The following WHRN variants were observed in gnomAD, a reference collection of about 807,000 sequenced individuals.
The protein encoded by WHRN is CASK-interacting protein CIP98.
In WHRN, 41 loss-of-function variants were observed where a neutral mutation model predicts 68.3. That is an observed-to-expected ratio of 0.60 (90% CI 0.47 to 0.78). The LOEUF is 0.78. WHRN is among the 30% of genes least tolerant of loss of function. The probability of loss-of-function intolerance (pLI) is 0.00; values close to 1 mark genes in which losing one functional copy is unlikely to be tolerated. For synonymous variants in WHRN, 560 were observed against 561.3 expected (o/e 1.00, Z 0.03); for missense variants, 1,243 against 1,244.7 (o/e 1.00, Z 0.02).
intron 4 of WHRN, 75 bp from the exon 5 acceptor site, chr9:114,425,099 T>C (rs769776013): frequency 2.0e-6 from 3 of 1,476,506 alleles, no homozygotes; most frequent in Non-Finnish European, 1.9e-6. Context: ...ACAGGGTGAC[T>C]TGGGGCAGGA....
At chr9:114,451,197 T>C (rs1379473803) in intron 3 of WHRN, among the ~76,000 whole-genome samples, 1 of 152,184 alleles carries the variant, frequency 6.6e-6, no homozygotes, top group Non-Finnish European at 1.5e-5. Context: ...AAATAGAAAG[T>C]CCTTTGCCAG....
At chr9:114,452,318 C>G (rs1439493548) in intron 3 of WHRN, among the ~76,000 whole-genome samples, 2 of 152,276 alleles carry the variant, frequency 1.3e-5, no homozygotes, top group East Asian at 3.9e-4. Context: ...AACATGCTGA[C>G]GGCAGAGAAC....
At chr9:114,469,315 C>A (rs755306470) in intron 2 of WHRN, among the ~76,000 whole-genome samples, 1 of 152,166 alleles carries the variant, frequency 6.6e-6, no homozygotes, top group African/African-American at 2.4e-5. Context: ...TACAGGCTTT[C>A]GAGCCTGGAG....
At chr9:114,463,363 T>C (rs1250218962) in intron 3 of WHRN, among the ~76,000 whole-genome samples, 1 of 152,172 alleles carries the variant, frequency 6.6e-6, no homozygotes, top group African/African-American at 2.4e-5. Flanking sequence ...TTCTCCCCAG[T>C]CTCCTCCACC....
intron 3 of WHRN, among the ~76,000 whole-genome samples, chr9:114,453,493 C>A (rs1169090384): frequency 1.3e-5 from 2 of 152,134 alleles, no homozygotes; most frequent in East Asian, 1.9e-4. Flanking sequence ...AAGTGTATTT[C>A]ATTCTGTGAT....
In WHRN at chr9:114,402,667, C is replaced by T; in HGVS notation, c.*87G>A. The T allele has an allele frequency of 6.4e-7, 1 of 1,554,536 alleles. No individual in the cohort carries two copies. On this transcript the variant is annotated 3_prime_UTR_variant, in exon 12 of 12. Coordinates refer to ENST00000362057, the MANE Select transcript of WHRN (RefSeq NM_015404.4). ...TGCCACCCTGGCCATGCAGCCCCAA[C>T]CCCGCAAGGAGCTTGATGAAGCCAA...
At chr9:114,414,524 T>C (rs1835674440) in intron 7 of WHRN, among the ~76,000 whole-genome samples, 1 of 152,228 alleles carries the variant, frequency 6.6e-6, no homozygotes, top group Non-Finnish European at 1.5e-5. Context: ...TCCCCTTTGA[T>C]AGCTTGGGAA....
intron 3 of WHRN, among the ~76,000 whole-genome samples, chr9:114,451,360 G>A (rs762787807): frequency 6.6e-6 from 1 of 152,084 alleles, no homozygotes; most frequent in Non-Finnish European, 1.5e-5. Context: ...ATTGAGTCTC[G>A]GGTTCTTTAT....
intron 3 of WHRN, among the ~76,000 whole-genome samples, chr9:114,438,859 T>C (rs1451846382): frequency 6.6e-6 from 1 of 152,194 alleles, no homozygotes; most frequent in Non-Finnish European, 1.5e-5. Context: ...TGTAAAACAC[T>C]GAAAATAACC....
intron 2 of WHRN, among the ~76,000 whole-genome samples, chr9:114,467,489 CGGGA>C (rs975962773): frequency 4.7e-5 from 7 of 150,012 alleles, no homozygotes; most frequent in Middle Eastern, 3.2e-3. Context: ...TCTGATGAGA[CGGGA>C]GGGTGAGCGA....
intron 1 of WHRN, among the ~76,000 whole-genome samples, chr9:114,483,693 T>G (rs1225282580): frequency 6.6e-6 from 1 of 152,262 alleles, no homozygotes; most frequent in Non-Finnish European, 1.5e-5. Context: ...AGGTCCCTGT[T>G]GTGCCATTAG....
chr9:114,434,065 T>C (rs186076174), intron 3 of WHRN, among the ~76,000 whole-genome samples: 2 of 152,286 alleles, frequency 1.3e-5, no homozygotes, highest in Non-Finnish European at 2.9e-5. Flanking sequence ...CCTGAGTTCT[T>C]CCCAAAGGAA....
chr9:114,428,360 C>T (rs959643276), intron 3 of WHRN, among the ~76,000 whole-genome samples: 5 of 152,134 alleles, frequency 3.3e-5, no homozygotes, highest in Non-Finnish European at 5.9e-5. Context: ...TAAAAAGACA[C>T]GCATTTCCAT....
intron 7 of WHRN, among the ~76,000 whole-genome samples, chr9:114,415,792 C>G (rs1442702119): frequency 6.6e-6 from 1 of 152,182 alleles, no homozygotes; most frequent in Non-Finnish European, 1.5e-5. Flanking sequence ...ACATGGAGTT[C>G]CTCTCTTACC....
rs200422759 is a variant in WHRN, at chr9:114,403,284, G to C, written c.2474C>G (p.Thr825Ser). 34 of 1,614,178 alleles carry C rather than the reference G, an allele frequency of 2.1e-5. No individual in the cohort carries two copies. In the Admixed American group the frequency reaches 5.3e-4, roughly 25 times the overall value. Residue 825 changes from threonine (T) to serine (S), a missense_variant, in exon 11 of 12, where the codon ACC (threonine) becomes AGC (serine). Transcript: ENST00000362057. ...GCCACCCTCGATGGCGATGCCCAGG[G>C]TGGCCGCACTTTTCTTCACACGGAC... ...TLVRVKKSAATLGIAIEGGAN... is the reference protein window; with the variant it reads ...TLVRVKKSAASLGIAIEGGAN...
chr9:114,448,961 C>T (rs546227267), intron 3 of WHRN, among the ~76,000 whole-genome samples: 1 of 152,334 alleles, frequency 6.6e-6, no homozygotes, highest in South Asian at 2.1e-4. Context: ...ACCACATTTG[C>T]TGAATCATAA....
rs1036035227 is a variant in WHRN at position 114,440,464 on chromosome 9, C to T, written c.964-14051G>A. Among the ~76,000 whole-genome samples, 4 of 152,244 alleles carry T rather than the reference C, an allele frequency of 2.6e-5. No homozygotes were observed. The South Asian group carries it at 6.2e-4, about 24-fold the overall frequency. On this transcript the variant is annotated intron_variant, in intron 3 of 11. Coordinates refer to ENST00000362057, the MANE Select transcript of WHRN (RefSeq NM_015404.4). ...ATGTTAGCTAGGCTGGTCTCAAACT[C>T]CTGACCTCAGGTGATCCGCCCACTT...
intron 3 of WHRN, among the ~76,000 whole-genome samples, chr9:114,435,178 G>A (rs1267322379): frequency 1.3e-5 from 2 of 152,168 alleles, no homozygotes; most frequent in East Asian, 3.9e-4. Context: ...GTTTGAGATC[G>A]TACTAGACTA....
chr9:114,503,740 T>TCACACAAACGGCCTCCTCAGG (rs1041639321), intron 1 of WHRN: 1 of 201,210 alleles, frequency 5.0e-6, no homozygotes, highest in African/African-American at 2.4e-5. Flanking sequence ...GCACTGTGGA[T>TCACACAAACGGCCTCCTCAGG]CACACAAACG....
Sources: allele counts gnomAD v4.1 joint callset (sites outside exome capture counted in the v4.1 genomes callset), GRCh38; gene constraint gnomAD v4.1.1; transcripts MANE v1.5; gene names NCBI Gene and HGNC (gene_info 2026-07-23, HGNC 2026-07-21).